Variants in MARCKSL1 observed in about 807,000 individuals in gnomAD.
MARCKSL1 encodes MARCKS like 1, also known as MARCKS-related protein.
Under a neutral mutation model 13.3 loss-of-function variants are expected in MARCKSL1, and 5 were observed. The ratio of observed to expected loss-of-function variants is 0.38; its 90% CI spans 0.20 to 0.79. The LOEUF is 0.79. MARCKSL1 is among the 30% of genes least tolerant of loss of function. The pLI, the probability that MARCKSL1 is intolerant of heterozygous loss-of-function variation, is 0.45. For synonymous variants in MARCKSL1, 126 were observed against 103.2 expected, an observed-to-expected ratio of 1.22 and a Z score of -1.34; for missense variants, 274 against 251.6, an observed-to-expected ratio of 1.09 and a Z score of -0.60.
chr1:32,335,131 G>GGCTCC lies in MARCKSL1; in HGVS notation c.88-39_88-35dup, dbSNP rs1421955076. On this transcript the variant is annotated intron_variant, in intron 1 of 1. Transcript: ENST00000329421. This position sits in a 1 kb window ranked among gnomAD's most constrained non-coding sequence, Gnocchi z 4.1. The stretch of plus-strand genomic sequence containing the variant: ...CAGAGGGAATAGCAATGAGGGCAGG[G>GGCTCC]GCTCCCCCTCCCCCAGCCCGCTTCT... 6.7e-7 allele frequency: 1 copy of GGCTCC among 1,502,546 alleles called. No homozygotes were observed. The highest frequency in any genetic ancestry group is 8.9e-7 in the Non-Finnish European group (1 of 1,127,138). 93.1% of individuals were successfully genotyped at this position (1,502,546 alleles called of 1,614,324 possible). A position where few individuals can be genotyped will look rare whatever the true frequency, so the allele number is the denominator to read the frequency against.
Position 32,336,094 on chromosome 1 carries a change from C to A in MARCKSL1, c.-61G>T. 1.5e-6 allele frequency: 1 copy of A among 651,412 alleles called. No homozygotes were observed. 40.4% of individuals were successfully genotyped at this position (651,412 alleles called of 1,614,324 possible). A position where few individuals can be genotyped will look rare whatever the true frequency, so the allele number is the denominator to read the frequency against. ...CGGGCTCGCGCCGCAGGGGATAGTA[C>A]GGCGGGGTCGGCCCGGCCGGCGGAG... On this transcript the variant is annotated 5_prime_UTR_variant, in exon 1 of 2. Coordinates refer to ENST00000329421, the MANE Select transcript of MARCKSL1 (RefSeq NM_023009.7).
In MARCKSL1 at chr1:32,335,781, T is replaced by G. The variant is rs2148076642; in HGVS notation, c.87+166A>C. On this transcript the variant is annotated intron_variant, in intron 1 of 1. Transcript: ENST00000329421. This position sits in a 1 kb window ranked among gnomAD's most constrained non-coding sequence, Gnocchi z 4.1. ...GCCCCCTCCCCGCCCCTCCCCTCGC[T>G]TCGCCCGCGGGGGCTGCGGCGCCGA... Among the ~76,000 whole-genome samples the G allele has an allele frequency of 6.8e-6, 1 of 146,942 alleles. No individual in the cohort carries two copies. The highest frequency in any genetic ancestry group is 2.5e-5 in the African/African-American group (1 of 40,302).
chr1:32,335,086 G>A lies in MARCKSL1; in HGVS notation c.99C>T (p.His33=), dbSNP rs143559799. The A allele has an allele frequency of 7.0e-5, 106 of 1,524,716 alleles. No individual in the cohort carries two copies. Among genetic ancestry groups the A allele is most frequent in the African/African-American group, 5.7e-4 (41 of 71,892 alleles). 94.4% of individuals were successfully genotyped at this position (1,524,716 alleles called of 1,614,324 possible). A position where few individuals can be genotyped will look rare whatever the true frequency, so the allele number is the denominator to read the frequency against. Residue 33 remains histidine (H), a synonymous_variant, in exon 2 of 2, where the codon CAC becomes CAT. Coordinates refer to ENST00000329421, the MANE Select transcript of MARCKSL1 (RefSeq NM_023009.7). The surrounding 1 kb of genome is among the most constrained non-coding windows in gnomAD (Gnocchi z 4.1). ...GGGATAAGTCTCCATTGCTTTTCAC[G>A]TGGCCATTCTCCTGCAGGGCAGAGG... ...PAKANGQENG[H]VKSNGDLSPK...
rs1250480660 is a variant in MARCKSL1, at chr1:32,335,377, G to C, written c.88-280C>G. 6.6e-6 allele frequency among the ~76,000 whole-genome samples: 1 copy of C among 150,464 alleles called. No homozygotes were observed. The highest frequency in any genetic ancestry group is 1.5e-5 in the Non-Finnish European group (1 of 67,376). ...CGCGCTCTCTATTCCGCGCGGAACC[G>C]CTCCGGATCTGCTGTGCGGATCCCG... On this transcript the variant is annotated intron_variant, in intron 1 of 1. Transcript: ENST00000329421. The surrounding 1 kb of genome is among the most constrained non-coding windows in gnomAD (Gnocchi z 4.1).
chr1:32,335,868 C>T lies in MARCKSL1; in HGVS notation c.87+79G>A. 4 of 805,546 alleles carry T rather than the reference C, an allele frequency of 5.0e-6. No individual in the cohort carries two copies. The highest frequency in any genetic ancestry group is 6.6e-6 in the Non-Finnish European group (4 of 602,604). The allele number at this position is 805,546 out of a possible 1,614,324, so 49.9% of individuals were successfully genotyped here. On this transcript the variant is annotated intron_variant, in intron 1 of 1. Coordinates refer to ENST00000329421, the MANE Select transcript of MARCKSL1 (RefSeq NM_023009.7). This position sits in a 1 kb window ranked among gnomAD's most constrained non-coding sequence, Gnocchi z 4.1. The stretch of plus-strand genomic sequence containing the variant: ...GTCCCGGGCCGGACAAAGCGCGCGG[C>T]CCCGGCCCCGGCCCCGGGCCCTAGA...
chr1:32,334,526 G>C lies in MARCKSL1; in HGVS notation c.*71C>G. 6.8e-7 allele frequency: 1 copy of C among 1,472,618 alleles called. No individual in the cohort carries two copies. Among genetic ancestry groups the C allele is most frequent in the Non-Finnish European group, 9.0e-7 (1 of 1,109,874 alleles). 91.2% of individuals were successfully genotyped at this position (1,472,618 alleles called of 1,614,324 possible). Reference sequence around the variant, plus strand: ...CACAGGAAGGCAGCCAGGGCACCAGGTCCAGGCAGTGACCTCACAAGGACA... The same window carrying C: ...CACAGGAAGGCAGCCAGGGCACCAGCTCCAGGCAGTGACCTCACAAGGACA... On this transcript the variant is annotated 3_prime_UTR_variant, in exon 2 of 2. Coordinates refer to ENST00000329421, the MANE Select transcript of MARCKSL1 (RefSeq NM_023009.7).
chr1:32,334,147 C>T lies in MARCKSL1; in HGVS notation c.*450G>A, dbSNP rs1641343438. ...AGTGTCCTCCCCAGCCCAGGTGCCACTAGGCACAGCACAAGAGACTAAAAA... is the reference window on the plus strand; with the variant it reads ...AGTGTCCTCCCCAGCCCAGGTGCCATTAGGCACAGCACAAGAGACTAAAAA... On this transcript the variant is annotated 3_prime_UTR_variant, in exon 2 of 2. Coordinates refer to ENST00000329421, the MANE Select transcript of MARCKSL1 (RefSeq NM_023009.7). The T allele has an allele frequency of 6.4e-6, 1 of 155,600 alleles. No individual in the cohort carries two copies. Among genetic ancestry groups the T allele is most frequent in the Non-Finnish European group, 1.4e-5 (1 of 70,230 alleles). The allele number at this position is 155,600 out of a possible 1,614,324, so 9.6% of individuals were successfully genotyped here. A position where few individuals can be genotyped will look rare whatever the true frequency, so the allele number is the denominator to read the frequency against.
Position 32,335,138 on chromosome 1 carries a change from C to G in MARCKSL1, c.88-41G>C. 1 of 1,496,440 alleles carries G rather than the reference C, an allele frequency of 6.7e-7. No individual in the cohort carries two copies. The highest frequency in any genetic ancestry group is 8.9e-7 in the Non-Finnish European group (1 of 1,124,156). The allele number at this position is 1,496,440 out of a possible 1,614,324, so 92.7% of individuals were successfully genotyped here. A position where few individuals can be genotyped will look rare whatever the true frequency, so the allele number is the denominator to read the frequency against. ...AATAGCAATGAGGGCAGGGGCTCCC[C>G]CTCCCCCAGCCCGCTTCTGATCCCT... On this transcript the variant is annotated intron_variant, in intron 1 of 1. Coordinates refer to ENST00000329421, the MANE Select transcript of MARCKSL1 (RefSeq NM_023009.7). The surrounding 1 kb of genome is among the most constrained non-coding windows in gnomAD (Gnocchi z 4.1).
chr1:32,335,658 C>G lies in MARCKSL1; in HGVS notation c.87+289G>C, dbSNP rs1641377806. ...CCCTGGGCGCCCCCTTGGCGTGGCC[C>G]AGCAGCGCCTTTGTTCCCCGCGCGG... On this transcript the variant is annotated intron_variant, in intron 1 of 1. Transcript: ENST00000329421. The surrounding 1 kb of genome is among the most constrained non-coding windows in gnomAD (Gnocchi z 4.1). 6.6e-6 allele frequency among the ~76,000 whole-genome samples: 1 copy of G among 151,628 alleles called. No homozygotes were observed. Among genetic ancestry groups the G allele is most frequent in the Non-Finnish European group, 1.5e-5 (1 of 67,840 alleles).
In MARCKSL1 at chr1:32,334,660, C is replaced by G; in HGVS notation, c.525G>C (p.Glu175Asp). The change falls in exon 2 of 2, where the codon GAG becomes GAC. Residue 175 changes from glutamate (E) to aspartate (D), a missense_variant. Transcript: ENST00000329421. ...SEEEAGPQATEPSTPSGPESG... is the reference protein window; with the variant it reads ...SEEEAGPQATDPSTPSGPESG... ...TCTCCGGCCCCGAGGGAGTGGATGG[C>G]TCTGTAGCCTGGGGCCCTGCCTCTT... The G allele has an allele frequency of 6.2e-7, 1 of 1,610,182 alleles. No individual in the cohort carries two copies. Among genetic ancestry groups the G allele is most frequent in the South Asian group, 1.1e-5 (1 of 90,688 alleles).
In MARCKSL1 at chr1:32,336,056, C is replaced by T. The variant is rs767139033; in HGVS notation, c.-23G>A. 8.2e-7 allele frequency: 1 copy of T among 1,219,116 alleles called. No homozygotes were observed. Among genetic ancestry groups the T allele is most frequent in the South Asian group, 3.2e-5 (1 of 30,826 alleles). The allele number at this position is 1,219,116 out of a possible 1,614,324, so 75.5% of individuals were successfully genotyped here. A position where few individuals can be genotyped will look rare whatever the true frequency, so the allele number is the denominator to read the frequency against. Reference sequence around the variant, plus strand: ...CATGATGGGGGTCTGCTGGGGGGCGCTTGGAGCCGCCCCGGGCTCGCGCCG... The same window carrying T: ...CATGATGGGGGTCTGCTGGGGGGCGTTTGGAGCCGCCCCGGGCTCGCGCCG... On this transcript the variant is annotated 5_prime_UTR_variant, in exon 1 of 2. Transcript: ENST00000329421.
rs1641350600 is a variant in MARCKSL1 at position 32,334,562 on chromosome 1, T to G, written c.*35A>C. On this transcript the variant is annotated 3_prime_UTR_variant, in exon 2 of 2. Coordinates refer to ENST00000329421, the MANE Select transcript of MARCKSL1 (RefSeq NM_023009.7). ...GACCTCACAAGGACAGCACAGTTTT[T>G]GCAGCTTAGAGATCACCCACCTGCC... 1 of 1,507,722 alleles carries G rather than the reference T, an allele frequency of 6.6e-7. No homozygotes were observed. The highest frequency in any genetic ancestry group is 8.9e-7 in the Non-Finnish European group (1 of 1,128,996). 93.4% of individuals were successfully genotyped at this position (1,507,722 alleles called of 1,614,324 possible).
rs748645320 is a variant in MARCKSL1, at chr1:32,334,775, T to A, written c.410A>T (p.Glu137Val). The A allele has an allele frequency of 1.9e-6, 3 of 1,611,446 alleles. No homozygotes were observed. Among genetic ancestry groups the A allele is most frequent in the Admixed American group, 3.3e-5 (2 of 59,968 alleles). Residue 137 changes from glutamate to valine, a missense_variant, in exon 2 of 2, where the codon GAG becomes GTG. By Grantham distance (121) the Glu-to-Val change is moderately radical (BLOSUM62 -2). Transcript: ENST00000329421. ...EQGEIGACSD[E>V]GTAQEGKAAA... is the part of the protein sequence containing the mutation. ...GGCCTTCCCTTCCTGAGCAGTGCCC[T>A]CGTCGCTGCAGGCACCGATCTCCCC...
chr1:32,334,731 G>T lies in MARCKSL1; in HGVS notation c.454C>A (p.Gln152Lys). 1 of 1,612,324 alleles carries T rather than the reference G, an allele frequency of 6.2e-7. No individual in the cohort carries two copies. The highest frequency in any genetic ancestry group is 1.7e-5 in the Admixed American group (1 of 60,006). The change falls in exon 2 of 2, where the codon CAG (glutamine) becomes AAG (lysine). Residue 152 changes from glutamine to lysine, a missense_variant. Coordinates refer to ENST00000329421, the MANE Select transcript of MARCKSL1 (RefSeq NM_023009.7). The stretch of plus-strand genomic sequence containing the variant: ...TCTGCCCCCTTGGCCTGGGGTTCCT[G>T]GCTCTCAGGGGTGGCTGCGGCCTTC... The part of the protein sequence containing the change: ...EGKAAATPES[Q>K]EPQAKGAEAS...
In MARCKSL1 at chr1:32,335,202, C is replaced by A; in HGVS notation, c.88-105G>T. On this transcript the variant is annotated intron_variant, in intron 1 of 1. Coordinates refer to ENST00000329421, the MANE Select transcript of MARCKSL1 (RefSeq NM_023009.7). The surrounding 1 kb of genome is among the most constrained non-coding windows in gnomAD (Gnocchi z 4.1). ...GTCCTCGATTCGATTCTACTGCAAC[C>A]CGAAAGTCTGGCTTCAGCCTCACCC... 2 of 1,245,492 alleles carry A rather than the reference C, an allele frequency of 1.6e-6. No individual in the cohort carries two copies. Among genetic ancestry groups the A allele is most frequent in the Non-Finnish European group, 1.0e-6 (1 of 955,426 alleles). The allele number at this position is 1,245,492 out of a possible 1,614,324, so 77.2% of individuals were successfully genotyped here.
At position 32,334,076 on chromosome 1, in the gene MARCKSL1, G is replaced by C. The variant is rs1221149161; in HGVS notation, c.*521C>G. The C allele has an allele frequency of 6.5e-6, 1 of 153,026 alleles. No homozygotes were observed. The highest frequency in any genetic ancestry group is 6.5e-5 in the Admixed American group (1 of 15,286). The allele number at this position is 153,026 out of a possible 1,614,324, so 9.5% of individuals were successfully genotyped here. ...AAGAGACACAGTTGATTCACAGGCT[G>C]GAGGTTTGAACTTGAGTAAGACATT... On this transcript the variant is annotated 3_prime_UTR_variant, in exon 2 of 2. Transcript: ENST00000329421.
At position 32,334,649 on chromosome 1, in the gene MARCKSL1, G is replaced by A. The variant is rs562665102; in HGVS notation, c.536C>T (p.Pro179Leu). ...AGPQATEPST[P>L]SGPESGPTPA... ...TGTAGGGCCACTCTCCGGCCCCGAG[G>A]GAGTGGATGGCTCTGTAGCCTGGGG... Residue 179 changes from proline to leucine, a missense_variant, in exon 2 of 2, where the codon CCC (proline) becomes CTC (leucine). Pro to Leu is a moderately conservative substitution (Grantham distance 98). Transcript: ENST00000329421. The A allele has an allele frequency of 5.0e-6, 8 of 1,603,916 alleles. No individual in the cohort carries two copies. The African/African-American group carries it at 1.1e-4, about 21-fold the overall frequency.
rs984009586 is a variant in MARCKSL1, at chr1:32,334,478, G to A, written c.*119C>T. ...GGAAAGGGAACGTGGCTGGGAGGAG[G>A]CAATAGCCCCTTCCTTTCTGGGCAC... On this transcript the variant is annotated 3_prime_UTR_variant, in exon 2 of 2. Transcript: ENST00000329421. The A allele has an allele frequency of 1.9e-5, 23 of 1,237,594 alleles. No individual in the cohort carries two copies. The Admixed American group carries it at 6.2e-4, about 34-fold the overall frequency. 76.7% of individuals were successfully genotyped at this position (1,237,594 alleles called of 1,614,324 possible).
rs747681701 is a variant in MARCKSL1 at position 32,334,684 on chromosome 1, T to C, written c.501A>G (p.Glu167=). Residue 167 remains glutamate, a synonymous_variant, in exon 2 of 2, where the codon GAA becomes GAG. Transcript: ENST00000329421. ...GCTCTGTAGCCTGGGGCCCTGCCTC[T>C]TCTTCTGAGGCTGCACTAGCCTCTG... ...KGAEASAASE[E]EAGPQATEPS... The C allele has an allele frequency of 2.7e-5, 44 of 1,611,906 alleles. No individual in the cohort carries two copies. Among genetic ancestry groups the C allele is most frequent in the Admixed American group, 6.7e-5 (4 of 59,920 alleles).
Sources: gnomAD v4.1 joint callset for allele counts (sites outside exome capture counted in the v4.1 genomes callset) on GRCh38, gnomAD v4.1.1 for gene constraint, Gnocchi (gnomAD v3.1) non-coding constraint, MANE v1.5 for transcripts, NCBI Gene and HGNC (gene_info 2026-07-23, HGNC 2026-07-21) for gene names.